CDIN1: variants seen among roughly 807,000 people sequenced by gnomAD.
CDIN1 encodes the protein CDAN1-interacting nuclease 1.
CDIN1 carries 33 observed loss-of-function variants against 45.3 expected under a neutral mutation model. That is an observed-to-expected ratio of 0.73 (90% CI 0.55 to 0.97). The LOEUF (loss-of-function observed/expected upper bound fraction) is 0.97, where lower values mean the gene tolerates loss of function less well. Ranked by LOEUF, CDIN1 falls within the 50% of genes least tolerant of loss-of-function variation. The probability of loss-of-function intolerance (pLI) is 0.00; values close to 1 mark genes in which losing one functional copy is unlikely to be tolerated. For missense variants in CDIN1, 303 were observed against 339.4 expected, an observed-to-expected ratio of 0.89 and a Z score of 0.84; for synonymous variants, 118 against 124.4, an observed-to-expected ratio of 0.95 and a Z score of 0.34.
At chr15:36,597,228 C>A (rs138294440) in intron 1 of CDIN1, among the ~76,000 whole-genome samples, 49 of 152,268 alleles carry the variant, frequency 3.2e-4, no homozygotes, top group African/African-American at 1.1e-3. Flanking sequence ...AGAAAATAAT[C>A]TCAGAAAGGT....
At chr15:36,747,881 C>G (rs566815860) in intron 10 of CDIN1, among the ~76,000 whole-genome samples, 1 of 151,856 alleles carries the variant, frequency 6.6e-6, no homozygotes, top group African/African-American at 2.4e-5. Context: ...ATTTTTCACT[C>G]TGAGTCTTGT....
At chr15:36,801,376 G>A (rs2055040616) in intron 10 of CDIN1, among the ~76,000 whole-genome samples, 1 of 152,006 alleles carries the variant, frequency 6.6e-6, no homozygotes, top group Admixed American at 6.6e-5. Flanking sequence ...TTTTCTCATA[G>A]AGCTGAAAAC....
intron 10 of CDIN1, among the ~76,000 whole-genome samples, chr15:36,792,678 G>C (rs973375910): frequency 6.6e-6 from 1 of 152,176 alleles, no homozygotes; most frequent in African/African-American, 2.4e-5. Flanking sequence ...GTGAGCTGCA[G>C]TAGATACTTT....
intron 10 of CDIN1, among the ~76,000 whole-genome samples, chr15:36,736,001 TAAG>T (rs1475253990): frequency 6.6e-6 from 1 of 152,152 alleles, no homozygotes; most frequent in Non-Finnish European, 1.5e-5. Flanking sequence ...AGTTTGGTGT[TAAG>T]AAGGAGGCAC....
At chr15:36,664,893 A>C (rs1169461524) in intron 5 of CDIN1, among the ~76,000 whole-genome samples, 1 of 152,230 alleles carries the variant, frequency 6.6e-6, no homozygotes, top group Non-Finnish European at 1.5e-5. Flanking sequence ...TATGCATTGC[A>C]TGAGGGTGCT....
At chr15:36,804,335 C>T (rs750703629) in intron 10 of CDIN1, among the ~76,000 whole-genome samples, 42 of 152,002 alleles carry the variant, frequency 2.8e-4, no homozygotes, top group Admixed American at 5.2e-4. Flanking sequence ...ATTGCCATGC[C>T]GAGGCAATGG....
intron 10 of CDIN1, among the ~76,000 whole-genome samples, chr15:36,722,962 T>A (rs1405274377): frequency 6.7e-5 from 8 of 120,284 alleles, no homozygotes; most frequent in Admixed American, 4.7e-4. Flanking sequence ...CACTTGTGTG[T>A]GTGTGTGTGT....
At chr15:36,597,033 A>G (rs775787746) in intron 1 of CDIN1, among the ~76,000 whole-genome samples, 4 of 152,208 alleles carry the variant, frequency 2.6e-5, no homozygotes, top group Non-Finnish European at 4.4e-5. Context: ...GGCAAGACCT[A>G]TGATTTATTG....
chr15:36,694,892 A>C (rs912468550), intron 7 of CDIN1, among the ~76,000 whole-genome samples: 1 of 152,260 alleles, frequency 6.6e-6, no homozygotes, highest in Admixed American at 6.5e-5. Flanking sequence ...AGAAGTAAAT[A>C]ATTTAGTTCT....
intron 10 of CDIN1, among the ~76,000 whole-genome samples, chr15:36,801,296 C>A (rs1323990650): frequency 1.3e-5 from 2 of 151,724 alleles, no homozygotes; most frequent in African/African-American, 4.8e-5. Flanking sequence ...TACATAAATC[C>A]CACACCTTTC....
chr15:36,727,639 A>T (rs1041509705), intron 10 of CDIN1, among the ~76,000 whole-genome samples: 1 of 152,224 alleles, frequency 6.6e-6, no homozygotes, highest in African/African-American at 2.4e-5. Context: ...TCAGAGTTGC[A>T]TAAAAATTAT....
At chr15:36,760,347 A>G (rs868086551) in intron 10 of CDIN1, among the ~76,000 whole-genome samples, 2 of 152,324 alleles carry the variant, frequency 1.3e-5, no homozygotes, top group Middle Eastern at 3.4e-3. Flanking sequence ...TTTCTGCACC[A>G]TGATGTGACT....
chr15:36,667,818 A>AT (rs941551894), intron 5 of CDIN1, among the ~76,000 whole-genome samples: 1 of 152,110 alleles, frequency 6.6e-6, no homozygotes, highest in African/African-American at 2.4e-5. Context: ...TATGAATAGT[A>AT]TTTTTTCATT....
intron 5 of CDIN1, among the ~76,000 whole-genome samples, chr15:36,686,906 G>A (rs1401784163): frequency 7.1e-6 from 1 of 141,516 alleles, no homozygotes; most frequent in Non-Finnish European, 1.6e-5. Context: ...AGAGAGGGAG[G>A]GAGAGAGGGA....
At chr15:36,643,837 T>C (rs1045375242) in intron 1 of CDIN1, among the ~76,000 whole-genome samples, 2 of 152,206 alleles carry the variant, frequency 1.3e-5, no homozygotes, top group Non-Finnish European at 2.9e-5. Flanking sequence ...GAAACTGGGA[T>C]ACCTGTAGAG....
chr15:36,612,246 C>G (rs961823410), intron 1 of CDIN1, among the ~76,000 whole-genome samples: 1 of 152,120 alleles, frequency 6.6e-6, no homozygotes, highest in Non-Finnish European at 1.5e-5. Flanking sequence ...TGTCTCTCTT[C>G]TTCAGGATCC....
intron 1 of CDIN1, among the ~76,000 whole-genome samples, chr15:36,629,559 TGTTA>T: frequency 6.6e-6 from 1 of 152,304 alleles, no homozygotes; most frequent in Admixed American, 6.5e-5. Flanking sequence ...GAACATTGCT[TGTTA>T]GAGAAGTGAT....
intron 7 of CDIN1, among the ~76,000 whole-genome samples, chr15:36,693,931 A>G (rs2042335175): frequency 6.6e-6 from 1 of 152,160 alleles, no homozygotes; most frequent in African/African-American, 2.4e-5. Flanking sequence ...TGCCAGTAGA[A>G]TTTAATGTAG....
At chr15:36,800,441 CTAT>C (rs2054973022) in intron 10 of CDIN1, among the ~76,000 whole-genome samples, 3 of 152,068 alleles carry the variant, frequency 2.0e-5, no homozygotes, top group African/African-American at 7.2e-5. Flanking sequence ...GATCACTAAT[CTAT>C]TATTATTGTA....
Sources: gnomAD v4.1 joint callset for allele counts (sites outside exome capture counted in the v4.1 genomes callset) on GRCh38, gnomAD v4.1.1 for gene constraint, MANE v1.5 for transcripts, NCBI Gene and HGNC (gene_info 2026-07-23, HGNC 2026-07-21) for gene names.